The following SLC39A6 variants were observed in gnomAD, a reference collection of about 807,000 sequenced individuals.
SLC39A6 encodes the protein solute carrier family 39 member 6, also known as zinc transporter ZIP6.
Under a neutral mutation model 63.5 loss-of-function variants are expected in SLC39A6, and 51 were observed. The observed-to-expected ratio is 0.80, with a 90% CI of 0.64 to 1.01. The LOEUF is 1.01. Ranked by LOEUF, SLC39A6 falls within the 50% of genes least tolerant of loss-of-function variation. The pLI is 0.00. For synonymous variants in SLC39A6, 318 were observed against 324.7 expected (o/e 0.98, Z 0.22); for missense variants, 805 against 927.8 (o/e 0.87, Z 1.72).
intron 9 of SLC39A6, 36 bp downstream of exon 9, chr18:36,111,023 T>C: frequency 6.2e-7 from 1 of 1,607,152 alleles, no homozygotes; most frequent in Non-Finnish European, 8.5e-7. Context: ...ATTTTATTGT[T>C]GGTCAATAAT....
chr18:36,123,049 A>G (rs544180385), intron 4 of SLC39A6, among the ~76,000 whole-genome samples: 69 of 152,362 alleles, frequency 4.5e-4, no homozygotes, highest in African/African-American at 1.5e-3. Context: ...AAGTAAATTC[A>G]CTTTACCAAA....
At position 36,114,301 on chromosome 18, in the gene SLC39A6, T is replaced by C; in HGVS notation, c.1639A>G (p.Thr547Ala). The C allele has an allele frequency of 6.2e-7, 1 of 1,614,194 alleles. No individual in the cohort carries two copies. The highest frequency in any genetic ancestry group is 8.5e-7 in the Non-Finnish European group (1 of 1,180,034). ...ATGAGATCGTCTGACTGGCCGAGTGTATCGTGGAAATGTGAATGGCATTTA... is the reference window on the plus strand; with the variant it reads ...ATGAGATCGTCTGACTGGCCGAGTGCATCGTGGAAATGTGAATGGCATTTA... ...KNKCHSHFHD[T>A]LGQSDDLIHH... Residue 547 changes from threonine to alanine, a missense_variant, in exon 7 of 10, where the codon ACA becomes GCA. Thr to Ala is a moderately conservative substitution (Grantham distance 58). Coordinates refer to ENST00000269187, the MANE Select transcript of SLC39A6 (RefSeq NM_012319.4).
chr18:36,122,577 A>T (rs1476392458), intron 4 of SLC39A6, among the ~76,000 whole-genome samples: 2 of 152,198 alleles, frequency 1.3e-5, no homozygotes, highest in South Asian at 4.1e-4. Context: ...CTTAATGTGC[A>T]CAGTTTCTAC....
At chr18:36,115,611 T>C (rs2089339118) in intron 6 of SLC39A6, among the ~76,000 whole-genome samples, 1 of 152,054 alleles carries the variant, frequency 6.6e-6, no homozygotes, top group Non-Finnish European at 1.5e-5. Flanking sequence ...AGAGGAGGAA[T>C]GCATGTAATG....
At position 36,109,507 on chromosome 18, in the gene SLC39A6, T is replaced by C. The variant is rs2089284054; in HGVS notation, c.*86A>G. ...CACAAAACCCACTAACTTTAAACGC[T>C]GCATAGTACAGCATACAAACTCATC... On this transcript the variant is annotated 3_prime_UTR_variant, in exon 10 of 10. Coordinates refer to ENST00000269187, the MANE Select transcript of SLC39A6 (RefSeq NM_012319.4). 3 of 1,024,892 alleles carry C rather than the reference T, an allele frequency of 2.9e-6. No individual in the cohort carries two copies. The highest frequency in any genetic ancestry group is 3.6e-5 in the South Asian group (2 of 55,570). 63.5% of individuals were successfully genotyped at this position (1,024,892 alleles called of 1,614,324 possible).
In SLC39A6 at chr18:36,123,583, C is replaced by T. The variant is rs1268564771; in HGVS notation, c.1052G>A (p.Arg351Gln). 3.1e-6 allele frequency: 5 copies of T among 1,613,452 alleles called. No homozygotes were observed. Among genetic ancestry groups the T allele is most frequent in the African/African-American group, 2.7e-5 (2 of 74,808 alleles). ...LGVILVPLMN[R>Q]VFFKFLLSFL... ...ACTCAGGAGAAATTTGAAAAACACCCGATTCATGAGAGGCACTAAGATAAC... is the reference window on the plus strand; with the variant it reads ...ACTCAGGAGAAATTTGAAAAACACCTGATTCATGAGAGGCACTAAGATAAC... The change falls in exon 4 of 10, where the codon CGG (arginine) becomes CAG (glutamine). Residue 351 changes from arginine (R) to glutamine (Q), a missense_variant. Physicochemically the swap from Arg to Gln is conservative, Grantham distance 43 (BLOSUM62 1). This residue lies in a region of SLC39A6 where 639 missense variants were observed against 644.0 expected (regional missense o/e 0.99). Coordinates refer to ENST00000269187, the MANE Select transcript of SLC39A6 (RefSeq NM_012319.4).
At chr18:36,123,685 G>A in intron 3 of SLC39A6, 21 bp from the exon 4 acceptor site, 1 of 1,573,598 alleles carries the variant, frequency 6.4e-7, no homozygotes, top group Non-Finnish European at 8.6e-7. Context: ...AAACAAAACA[G>A]AGCAAAGAAA....
intron 3 of SLC39A6, 132 bp from the exon 4 acceptor site, chr18:36,123,796 T>C (rs2089413406): frequency 1.2e-6 from 1 of 815,214 alleles, no homozygotes; most frequent in East Asian, 2.7e-5. Context: ...TCAATGCAAA[T>C]AGGACCTACT....
chr18:36,118,230 T>A (rs1416196547), intron 5 of SLC39A6, among the ~76,000 whole-genome samples: 1 of 152,190 alleles, frequency 6.6e-6, no homozygotes, highest in East Asian at 1.9e-4. Flanking sequence ...CCATAAGTAT[T>A]AAGGGCCCAC....
chr18:36,115,176 T>A (rs1006501197), intron 6 of SLC39A6, among the ~76,000 whole-genome samples: 36 of 152,138 alleles, frequency 2.4e-4, no homozygotes, highest in Non-Finnish European at 4.0e-4. Flanking sequence ...GCGTGGTGGC[T>A]CACGCCTGTA....
chr18:36,121,203 C>T (rs919170196), intron 5 of SLC39A6, among the ~76,000 whole-genome samples: 1 of 151,452 alleles, frequency 6.6e-6, no homozygotes, highest in Admixed American at 6.6e-5. Flanking sequence ...ATTGCCCAGG[C>T]TGGAGTGCAG....
rs1334834342 is a variant in SLC39A6, at chr18:36,122,217, C to T, written c.1194G>A (p.Met398Ile). 1.2e-6 allele frequency: 2 copies of T among 1,613,922 alleles called. No homozygotes were observed. Among genetic ancestry groups the T allele is most frequent in the Non-Finnish European group, 1.7e-6 (2 of 1,179,978 alleles). ...GATGACTGAAAAGTGGTCCTCTTTT[C>T]ATTTCCATTGCTGGTTCTTCATGGC... ...SHSHEEPAME[M>I]KRGPLFSHLS... is the part of the protein sequence containing the mutation. Residue 398 changes from methionine (M) to isoleucine (I), a missense_variant, in exon 5 of 10, where the codon ATG (methionine) becomes ATA (isoleucine). Met to Ile is a conservative substitution (Grantham distance 10, BLOSUM62 1). Around this residue, in one of 4 missense-constraint regions of SLC39A6, gnomAD observed 639 missense variants for 644.0 expected, o/e 0.99. Transcript: ENST00000269187.
In SLC39A6 at chr18:36,117,767, A is replaced by C. The variant is rs180800378; in HGVS notation, c.1360-988T>G. 6.4e-3 allele frequency among the ~76,000 whole-genome samples: 981 copies of C among 152,250 alleles called. 10 individuals carry two copies. Among genetic ancestry groups the C allele is most frequent in the Non-Finnish European group, 0.01 (693 of 68,018 alleles). On this transcript the variant is annotated intron_variant, in intron 5 of 9. Transcript: ENST00000269187. ...GCAAACACGGCCGGGCATGGTGGCGAACGCCTGTAATCCCAGCACTTTGGG... is the reference window on the plus strand; with the variant it reads ...GCAAACACGGCCGGGCATGGTGGCGCACGCCTGTAATCCCAGCACTTTGGG...
chr18:36,119,432 G>T (rs915370285), intron 5 of SLC39A6, among the ~76,000 whole-genome samples: 1 of 152,124 alleles, frequency 6.6e-6, no homozygotes, highest in Non-Finnish European at 1.5e-5. Flanking sequence ...CTGTAAACAA[G>T]ACAGAGAGAT....
chr18:36,113,096 T>C (rs922618142), intron 7 of SLC39A6, among the ~76,000 whole-genome samples: 1 of 128,834 alleles, frequency 7.8e-6, no homozygotes, highest in Non-Finnish European at 1.7e-5. Context: ...ACTGTGCATA[T>C]ATATTTTTTT....
At chr18:36,128,200 ATCCAGCAGGATG>A (rs1217102521) in intron 1 of SLC39A6, among the ~76,000 whole-genome samples, 2 of 152,208 alleles carry the variant, frequency 1.3e-5, no homozygotes, top group Non-Finnish European at 2.9e-5. Context: ...GTTAATTCAG[ATCCAGCAGGATG>A]TCCAGCACCA....
rs1259209091 is a variant in SLC39A6, at chr18:36,114,503, C to T, written c.1466-29G>A. ...GGAATAAACATAAAGGGCATGGGGA[C>T]AGTTAGAAGGCTTTGTTAATGGACT... On this transcript the variant is annotated intron_variant, in intron 6 of 9. Transcript: ENST00000269187. The T allele has an allele frequency of 3.9e-6, 6 of 1,550,866 alleles. No individual in the cohort carries two copies. The South Asian group carries it at 7.1e-5, about 18-fold the overall frequency.
rs2089286991 is a variant in SLC39A6, at chr18:36,109,806, T to G, written c.2116-61A>C. The G allele has an allele frequency of 2.1e-6, 3 of 1,420,822 alleles. No individual in the cohort carries two copies. The East Asian group carries it at 6.8e-5, about 32-fold the overall frequency. The allele number at this position is 1,420,822 out of a possible 1,614,324, so 88.0% of individuals were successfully genotyped here. ...TTAAGTTTTTAGAACTACAGATTAG[T>G]TTTTAGAAAAATTTATAGGACAGTA... On this transcript the variant is annotated intron_variant, in intron 9 of 9. Transcript: ENST00000269187.
intron 2 of SLC39A6, among the ~76,000 whole-genome samples, chr18:36,125,347 A>AAAG (rs1187287707): frequency 4.5e-5 from 5 of 110,590 alleles, no homozygotes; most frequent in South Asian, 6.1e-4. Context: ...CCCAGCCAAA[A>AAAG]AAGAAAAAAA....
Sources: gnomAD v4.1 joint callset for allele counts (sites outside exome capture counted in the v4.1 genomes callset) on GRCh38, gnomAD v4.1.1 for gene constraint, gnomAD v4.1.1 regional missense constraint, MANE v1.5 for transcripts, NCBI Gene and HGNC (gene_info 2026-07-23, HGNC 2026-07-21) for gene names.